CADPS: variants seen among roughly 807,000 people sequenced by gnomAD.
The protein encoded by CADPS is calcium-dependent secretion activator 1.
CADPS carries 57 observed loss-of-function variants against 167.3 expected under a neutral mutation model. The observed-to-expected ratio is 0.34, with a 90% CI of 0.28 to 0.42. CADPS has a LOEUF of 0.42. Ranked by LOEUF, CADPS falls within the 20% of genes least tolerant of loss-of-function variation. The pLI, the probability that CADPS is intolerant of heterozygous loss-of-function variation, is 1.00. For synonymous variants in CADPS, 676 were observed against 635.3 expected (o/e 1.06, Z -0.96); for missense variants, 1,414 against 1,738.1 (o/e 0.81, Z 3.32).
At chr3:62,763,133 G>C (rs957273305) in intron 2 of CADPS, among the ~76,000 whole-genome samples, 8 of 152,266 alleles carry the variant, frequency 5.3e-5, no homozygotes, top group African/African-American at 1.9e-4. Flanking sequence ...TGCCAGAGAT[G>C]GTGGCTGTCC....
intron 3 of CADPS, among the ~76,000 whole-genome samples, chr3:62,734,662 T>C (rs976632500): frequency 1.3e-5 from 2 of 152,232 alleles, no homozygotes; most frequent in African/African-American, 2.4e-5. Context: ...AAATTTATTG[T>C]TACTGTATTC....
chr3:62,522,152 A>T (rs868569957), intron 13 of CADPS, among the ~76,000 whole-genome samples: 149 of 137,176 alleles, frequency 1.1e-3, no homozygotes, highest in African/African-American at 3.7e-3. Context: ...TATCTATCTA[A>T]CTATTGAGAC....
chr3:62,579,533 G>T (rs2082971959), intron 8 of CADPS, among the ~76,000 whole-genome samples: 1 of 152,058 alleles, frequency 6.6e-6, no homozygotes, highest in African/African-American at 2.4e-5. Flanking sequence ...AGAGAGAGAG[G>T]GAGGACACAG....
At chr3:62,589,871 T>C (rs925839336) in intron 7 of CADPS, among the ~76,000 whole-genome samples, 1 of 152,104 alleles carries the variant, frequency 6.6e-6, no homozygotes, top group Admixed American at 6.6e-5. Flanking sequence ...AAAATGCATA[T>C]AGGCCCAGGC....
At chr3:62,549,833 T>C in intron 11 of CADPS, 70 bp downstream of exon 11, 1 of 1,222,100 alleles carries the variant, frequency 8.2e-7, no homozygotes, top group Admixed American at 2.1e-5. Flanking sequence ...CAACTAGGTT[T>C]TCTAATTCAA....
At chr3:62,731,612 C>T (rs2077818198) in intron 3 of CADPS, among the ~76,000 whole-genome samples, 1 of 151,904 alleles carries the variant, frequency 6.6e-6, no homozygotes, top group Non-Finnish European at 1.5e-5. Flanking sequence ...AAAGCCATCA[C>T]AAGTACTAGC....
chr3:62,809,077 A>C (rs1384955265), intron 1 of CADPS, among the ~76,000 whole-genome samples: 1 of 152,122 alleles, frequency 6.6e-6, no homozygotes, highest in Non-Finnish European at 1.5e-5. Context: ...TATAGCTCAG[A>C]TCCTACTACC....
intron 1 of CADPS, among the ~76,000 whole-genome samples, chr3:62,820,789 TTTTTGG>T (rs1259389043): frequency 3.2e-5 from 2 of 62,780 alleles, no homozygotes; most frequent in Admixed American, 3.4e-4. Context: ...CTTCCTCTTT[TTTTTGG>T]TTTTTTTTTT....
intron 9 of CADPS, among the ~76,000 whole-genome samples, chr3:62,570,115 A>G (rs1578003224): frequency 6.6e-6 from 1 of 152,210 alleles, no homozygotes; most frequent in Non-Finnish European, 1.5e-5. Context: ...AAGTCTATCC[A>G]AAAGGGAAAA....
intron 1 of CADPS, among the ~76,000 whole-genome samples, chr3:62,794,939 A>T (rs111482308): frequency 9.2e-5 from 14 of 152,184 alleles, no homozygotes; most frequent in African/African-American, 3.1e-4. Context: ...GCGGGCTCTC[A>T]TTCAGATCAC....
rs140006999 is a variant in CADPS at position 62,865,817 on chromosome 3, T to C, written c.441+8772A>G. ...CCTTAACTACACCCAGAAAGGACTT[T>C]AGGCAGCTTACAATAAAATAACAGA... On this transcript the variant is annotated intron_variant, in intron 1 of 29. Transcript: ENST00000383710. 3.9e-5 allele frequency among the ~76,000 whole-genome samples: 6 copies of C among 152,224 alleles called. No homozygotes were observed. The East Asian group carries it at 9.6e-4, about 24-fold the overall frequency.
chr3:62,442,215 C>CTT (rs61098701), intron 27 of CADPS, among the ~76,000 whole-genome samples: 45,830 of 141,084 alleles, frequency 0.32, 7,667 homozygotes, highest in Middle Eastern at 0.48. Flanking sequence ...TAAACTGACT[C>CTT]TTTTTTTTTT....
intron 6 of CADPS, among the ~76,000 whole-genome samples, chr3:62,599,857 ATAT>A (rs1223918109): frequency 2.0e-4 from 13 of 64,694 alleles, no homozygotes; most frequent in African/African-American, 1.0e-3. Context: ...TATATAATAT[ATAT>A]AATATATAAT....
chr3:62,785,723 A>C (rs1381982832), intron 1 of CADPS, among the ~76,000 whole-genome samples: 1 of 152,168 alleles, frequency 6.6e-6, no homozygotes, highest in East Asian at 1.9e-4. Context: ...GAGTTCTTCA[A>C]ATCTCTCAAG....
chr3:62,591,150 G>T (rs550597023), intron 7 of CADPS, among the ~76,000 whole-genome samples: 2 of 152,120 alleles, frequency 1.3e-5, no homozygotes, highest in African/African-American at 2.4e-5. Flanking sequence ...GAGCCACCGC[G>T]CCTGGCTGAA....
intron 3 of CADPS, among the ~76,000 whole-genome samples, chr3:62,747,619 T>C (rs750403390): frequency 2.6e-5 from 4 of 152,210 alleles, no homozygotes; most frequent in Non-Finnish European, 4.4e-5. Flanking sequence ...TTAAGAAAAT[T>C]AGCAGTTCAA....
intron 1 of CADPS, among the ~76,000 whole-genome samples, chr3:62,855,091 A>ATTTTT (rs554197608): frequency 0.083 from 7,623 of 92,360 alleles, 547 homozygotes; most frequent in Non-Finnish European, 0.12. Context: ...TGCCCGGCTA[A>ATTTTT]TTTTTTTTTT....
intron 2 of CADPS, among the ~76,000 whole-genome samples, chr3:62,761,407 A>G (rs2085377203): frequency 6.6e-6 from 1 of 152,068 alleles, no homozygotes; most frequent in Admixed American, 6.6e-5. Flanking sequence ...AACAACAACA[A>G]CAAAAAAACA....
At chr3:62,630,491 G>A (rs1212435524) in intron 6 of CADPS, among the ~76,000 whole-genome samples, 1 of 152,022 alleles carries the variant, frequency 6.6e-6, no homozygotes, top group Non-Finnish European at 1.5e-5. Flanking sequence ...TGGGATTGCA[G>A]GCATGCACCA....
Sources: allele counts gnomAD v4.1 joint callset (sites outside exome capture counted in the v4.1 genomes callset), GRCh38; gene constraint gnomAD v4.1.1; transcripts MANE v1.5; gene names NCBI Gene and HGNC (gene_info 2026-07-23, HGNC 2026-07-21).